The following CREBRF variants were observed in gnomAD, a reference collection of about 807,000 sequenced individuals.
CREBRF encodes CREB3 regulatory factor, also known as UPF0474 protein C5orf41.
CREBRF carries 5 observed loss-of-function variants against 66.1 expected under a neutral mutation model. That is an observed-to-expected ratio of 0.08 (90% confidence interval 0.04 to 0.16). The LOEUF (loss-of-function observed/expected upper bound fraction) is 0.16, where lower values mean the gene tolerates loss of function less well. Ranked by LOEUF, CREBRF falls within the 10% of genes least tolerant of loss-of-function variation. The pLI is 1.00. For synonymous variants in CREBRF, 229 were observed against 264.4 expected (o/e 0.87, Z 1.30); for missense variants, 531 against 744.9 (o/e 0.71, Z 3.34).
At chr5:173,091,613 C>A in intron 4 of CREBRF, 2 of 1,264,078 alleles carry the variant, frequency 1.6e-6, no homozygotes, top group Non-Finnish European at 2.0e-6. Flanking sequence ...AAGCTGATTC[C>A]TTGAGGGCTT....
At chr5:173,088,145 G>A (rs753908782) in intron 3 of CREBRF, among the ~76,000 whole-genome samples, 32 of 151,794 alleles carry the variant, frequency 2.1e-4, no homozygotes, top group Non-Finnish European at 4.3e-4. Flanking sequence ...GATGCCGACA[G>A]CAGCTGTGCA....
At chr5:173,091,838 A>G (rs1396339756) in intron 4 of CREBRF, 4 of 956,506 alleles carry the variant, frequency 4.2e-6, no homozygotes, top group Non-Finnish European at 5.0e-6. Flanking sequence ...TAATCCCAGC[A>G]CTTTGGGAGG....
At chr5:173,126,301 C>A (rs559005131) in intron 8 of CREBRF, among the ~76,000 whole-genome samples, 1 of 152,022 alleles carries the variant, frequency 6.6e-6, no homozygotes, top group African/African-American at 2.4e-5. Context: ...CCACCACGCC[C>A]GGCTGATTTT....
At chr5:173,070,413 T>C (rs1581661092) in intron 1 of CREBRF, among the ~76,000 whole-genome samples, 1 of 152,300 alleles carries the variant, frequency 6.6e-6, no homozygotes, top group African/African-American at 2.4e-5. Context: ...AACAAAGTGA[T>C]TCTTTAAAAC....
At chr5:173,086,368 A>G (rs1334884152) in intron 2 of CREBRF, 133 bp from the exon 3 acceptor site, 2 of 778,180 alleles carry the variant, frequency 2.6e-6, no homozygotes, top group South Asian at 1.7e-5. Flanking sequence ...TATACTATAC[A>G]GTAGAAAAAA....
At chr5:173,099,518 C>A (rs1194176028) in intron 4 of CREBRF, among the ~76,000 whole-genome samples, 1 of 152,140 alleles carries the variant, frequency 6.6e-6, no homozygotes, top group African/African-American at 2.4e-5. Context: ...TCTTGGTTTT[C>A]TATTCATTCA....
chr5:173,111,652 A>G (rs369692710), intron 6 of CREBRF, among the ~76,000 whole-genome samples: 29 of 152,350 alleles, frequency 1.9e-4, no homozygotes, highest in East Asian at 1.9e-4. Context: ...CAGTTTATCC[A>G]TTCACCAGTT....
At chr5:173,116,277 A>C (rs1758987983) in intron 7 of CREBRF, among the ~76,000 whole-genome samples, 1 of 152,218 alleles carries the variant, frequency 6.6e-6, no homozygotes, top group African/African-American at 2.4e-5. Context: ...ACATTGAAAG[A>C]GTATAATTCG....
At chr5:173,057,096 C>T (rs1392579771) in intron 1 of CREBRF, among the ~76,000 whole-genome samples, 2 of 152,062 alleles carry the variant, frequency 1.3e-5, no homozygotes, top group East Asian at 1.9e-4. Context: ...AGGGGCCTCC[C>T]TCCCGGGATT....
chr5:173,058,552 C>T (rs367896666), intron 1 of CREBRF, among the ~76,000 whole-genome samples: 3 of 151,528 alleles, frequency 2.0e-5, no homozygotes, highest in Non-Finnish European at 2.9e-5. Context: ...GGCCAGATCT[C>T]GACTCACTGC....
At chr5:173,120,963 G>A (rs2113791975) in intron 7 of CREBRF, among the ~76,000 whole-genome samples, 1 of 152,198 alleles carries the variant, frequency 6.6e-6, no homozygotes, top group South Asian at 2.1e-4. Context: ...AAAGTACTGG[G>A]ATTACAGGCA....
At chr5:173,084,613 T>C (rs1758075155) in intron 2 of CREBRF, among the ~76,000 whole-genome samples, 2 of 143,520 alleles carry the variant, frequency 1.4e-5, no homozygotes, top group African/African-American at 5.0e-5. Context: ...TTTGTCATTA[T>C]TGCAAAAATG....
chr5:173,086,275 G>C, intron 2 of CREBRF: 1 of 671,196 alleles, frequency 1.5e-6, no homozygotes, highest in Non-Finnish European at 2.7e-6. Context: ...CTCCACTGGG[G>C]CATTGGCAGC....
At chr5:173,106,255 C>G (rs1758747333) in intron 4 of CREBRF, among the ~76,000 whole-genome samples, 1 of 151,602 alleles carries the variant, frequency 6.6e-6, no homozygotes, top group Non-Finnish European at 1.5e-5. Context: ...TGGTGAAACC[C>G]TGTCTCTACT....
At chr5:173,076,947 C>CTT (rs779671869) in intron 1 of CREBRF, among the ~76,000 whole-genome samples, 1 of 140,940 alleles carries the variant, frequency 7.1e-6, no homozygotes. Flanking sequence ...AATTTATTGG[C>CTT]TTTTTTTTTT....
intron 1 of CREBRF, among the ~76,000 whole-genome samples, chr5:173,078,553 T>G (rs1225851463): frequency 6.6e-6 from 1 of 150,848 alleles, no homozygotes; most frequent in African/African-American, 2.4e-5. Context: ...GATGTGAAGT[T>G]TTTCTTTTTC....
chr5:173,114,399 G>A (rs1364837953), intron 7 of CREBRF, among the ~76,000 whole-genome samples: 1 of 152,002 alleles, frequency 6.6e-6, no homozygotes, highest in East Asian at 1.9e-4. Context: ...ATAGTTTCTA[G>A]AATTTGTGAT....
chr5:173,127,491 G>A lies in CREBRF; in HGVS notation c.1804+4289G>A, dbSNP rs559142399. ...TTTTTTTTTTTTGAGATGGGGTCTC[G>A]CTGTGTCACCCAGGATAGAGTGCAG... On this transcript the variant is annotated intron_variant, in intron 8 of 8. Transcript: ENST00000296953. 4.2e-5 allele frequency among the ~76,000 whole-genome samples: 6 copies of A among 142,068 alleles called. No homozygotes were observed. The Admixed American group carries it at 4.4e-4, about 10-fold the overall frequency. The allele number at this position is 142,068 out of a possible 152,430, so 93.2% of individuals were successfully genotyped here. A position where few individuals can be genotyped will look rare whatever the true frequency, so the allele number is the denominator to read the frequency against.
intron 8 of CREBRF, among the ~76,000 whole-genome samples, chr5:173,131,182 T>G (rs761625345): frequency 1.2e-4 from 18 of 152,208 alleles, no homozygotes; most frequent in Non-Finnish European, 2.2e-4. Flanking sequence ...TTTCTACCTC[T>G]ATCTACATGT....
Sources: gnomAD v4.1 joint callset for allele counts (sites outside exome capture counted in the v4.1 genomes callset) on GRCh38, gnomAD v4.1.1 for gene constraint, MANE v1.5 for transcripts, NCBI Gene and HGNC (gene_info 2026-07-23, HGNC 2026-07-21) for gene names.